Variants in PDCD1LG2 observed in about 807,000 individuals in gnomAD.
PDCD1LG2 encodes the protein B7 dendritic cell molecule.
Under a neutral mutation model 28.2 loss-of-function variants are expected in PDCD1LG2, and 32 were observed. The ratio of observed to expected loss-of-function variants is 1.13; its 90% CI spans 0.86 to 1.52. The LOEUF (loss-of-function observed/expected upper bound fraction) is 1.52. PDCD1LG2 is among the 40% of genes most tolerant of loss of function. PDCD1LG2 has a pLI of 0.00. For missense variants in PDCD1LG2, 385 were observed against 323.8 expected, an observed-to-expected ratio of 1.19 and a Z score of -1.45; for synonymous variants, 116 against 120.2, an observed-to-expected ratio of 0.97 and a Z score of 0.23.
At chr9:5,538,617 G>A (rs1246953113) in intron 3 of PDCD1LG2, among the ~76,000 whole-genome samples, 5 of 152,066 alleles carry the variant, frequency 3.3e-5, no homozygotes, top group Non-Finnish European at 5.9e-5. Context: ...TAAGCCGGGA[G>A]GCGGAGCTTG....
At chr9:5,562,812 G>T (rs1274883345) in intron 5 of PDCD1LG2, among the ~76,000 whole-genome samples, 1 of 152,178 alleles carries the variant, frequency 6.6e-6, no homozygotes, top group Non-Finnish European at 1.5e-5. Flanking sequence ...CCTGGACCAG[G>T]GAAGGCAGGC....
chr9:5,540,094 T>C lies in PDCD1LG2; in HGVS notation c.361+5044T>C, dbSNP rs563406151. ...TGGAAATAAACTCCAAAAGGAACCT[T>C]CAAAACCATGCAATTACATGGAAGT... On this transcript the variant is annotated intron_variant, in intron 3 of 6. Transcript: ENST00000397747. 1.4e-4 allele frequency among the ~76,000 whole-genome samples: 22 copies of C among 152,284 alleles called. No individual in the cohort carries two copies. In the East Asian group the frequency reaches 4.0e-3, roughly 28 times the overall value.
intron 2 of PDCD1LG2, among the ~76,000 whole-genome samples, chr9:5,525,830 C>T (rs1820364942): frequency 6.6e-6 from 1 of 151,940 alleles, no homozygotes; most frequent in Admixed American, 6.6e-5. Flanking sequence ...GGGCAGATCA[C>T]GAGGTCAGGA....
At chr9:5,528,115 C>T (rs1820413364) in intron 2 of PDCD1LG2, among the ~76,000 whole-genome samples, 1 of 151,740 alleles carries the variant, frequency 6.6e-6, no homozygotes, top group Non-Finnish European at 1.5e-5. Context: ...CAGGCATGAG[C>T]CACCACGCCC....
At chr9:5,568,718 G>A (rs1816714262) in intron 6 of PDCD1LG2, among the ~76,000 whole-genome samples, 1 of 152,130 alleles carries the variant, frequency 6.6e-6, no homozygotes, top group Non-Finnish European at 1.5e-5. Flanking sequence ...CTTTCTTCAG[G>A]CAGCACAGTT....
chr9:5,531,463 T>C (rs1192117483), intron 2 of PDCD1LG2, among the ~76,000 whole-genome samples: 1 of 152,238 alleles, frequency 6.6e-6, no homozygotes, highest in African/African-American at 2.4e-5. Flanking sequence ...TCATGTTTGC[T>C]AATTGCTCTT....
In PDCD1LG2 at chr9:5,521,284, A is replaced by C. The variant is rs956783955; in HGVS notation, c.-14-1249A>C. On this transcript the variant is annotated intron_variant, in intron 1 of 6. Transcript: ENST00000397747. ...TTTTCAGGGTAATGAAAATGTTCTA[A>C]AATTGGATAATAGTGTTTGTTGCAC... Among the ~76,000 whole-genome samples, 9 of 152,176 alleles carry C rather than the reference A, an allele frequency of 5.9e-5. No individual in the cohort carries two copies. The East Asian group carries it at 7.7e-4, about 13-fold the overall frequency.
intron 2 of PDCD1LG2, among the ~76,000 whole-genome samples, chr9:5,524,988 T>C (rs1250905364): frequency 6.6e-6 from 1 of 152,186 alleles, no homozygotes; most frequent in Non-Finnish European, 1.5e-5. Flanking sequence ...AGAAGATACC[T>C]GAATTAAATC....
At chr9:5,555,208 A>G (rs1313813876) in intron 4 of PDCD1LG2, among the ~76,000 whole-genome samples, 2 of 152,078 alleles carry the variant, frequency 1.3e-5, no homozygotes, top group African/African-American at 4.8e-5. Flanking sequence ...TGAGGCCAGG[A>G]GTTCAAAAAT....
At position 5,570,181 on chromosome 9, in the gene PDCD1LG2, T is replaced by C; in HGVS notation, c.*222T>C. 1.7e-6 allele frequency: 1 copy of C among 572,130 alleles called. No homozygotes were observed. Among genetic ancestry groups the C allele is most frequent in the East Asian group, 2.7e-5 (1 of 37,366 alleles). The allele number at this position is 572,130 out of a possible 1,614,324, so 35.4% of individuals were successfully genotyped here. A position where few individuals can be genotyped will look rare whatever the true frequency, so the allele number is the denominator to read the frequency against. ...GACTCACCTCTGGAGCCTATGGCTT[T>C]AAGCAAGCACTACTGCACTTTACAG... On this transcript the variant is annotated 3_prime_UTR_variant, in exon 7 of 7. Transcript: ENST00000397747.
At chr9:5,556,655 G>T (rs1368517053) in intron 4 of PDCD1LG2, among the ~76,000 whole-genome samples, 3 of 152,190 alleles carry the variant, frequency 2.0e-5, no homozygotes, top group Admixed American at 6.5e-5. Context: ...GGGCTGGGAA[G>T]TTGGGAGGAC....
intron 6 of PDCD1LG2, among the ~76,000 whole-genome samples, chr9:5,564,713 C>T (rs772239058): frequency 7.2e-5 from 11 of 152,112 alleles, no homozygotes; most frequent in Non-Finnish European, 1.3e-4. Context: ...GACAACTAGC[C>T]ACATTTCACT....
intron 2 of PDCD1LG2, among the ~76,000 whole-genome samples, chr9:5,523,225 CAGTT>C (rs1820310701): frequency 6.6e-6 from 1 of 152,154 alleles, no homozygotes; most frequent in Non-Finnish European, 1.5e-5. Context: ...AGCAGTTTCA[CAGTT>C]GGTTGTTCTC....
rs200938803 is a variant in PDCD1LG2 at position 5,535,014 on chromosome 9, G to A, written c.325G>A (p.Ala109Thr). The A allele has an allele frequency of 1.9e-5, 31 of 1,612,818 alleles. No individual in the cohort carries two copies. The highest frequency in any genetic ancestry group is 1.6e-4 in the African/African-American group (12 of 75,008). ...QYQCIIIYGV[A>T]WDYKYLTLKV... Reference sequence around the variant, plus strand: ...CCAATGCATAATCATCTATGGGGTCGCCTGGGACTACAAGTACCTGACTCT... The same window carrying A: ...CCAATGCATAATCATCTATGGGGTCACCTGGGACTACAAGTACCTGACTCT... Residue 109 changes from alanine to threonine, a missense_variant, in exon 3 of 7, where the codon GCC becomes ACC. Transcript: ENST00000397747.
intron 3 of PDCD1LG2, among the ~76,000 whole-genome samples, chr9:5,535,267 G>C (rs1820558004): frequency 6.6e-6 from 1 of 152,182 alleles, no homozygotes; most frequent in Admixed American, 6.5e-5. Context: ...AGGACCTATA[G>C]GAATAAAATG....
At chr9:5,551,510 G>A (rs1280209316) in intron 4 of PDCD1LG2, among the ~76,000 whole-genome samples, 1 of 152,184 alleles carries the variant, frequency 6.6e-6, no homozygotes, top group African/African-American at 2.4e-5. Context: ...CTCCTAAGAT[G>A]TCTACTCAGA....
In PDCD1LG2 at chr9:5,570,831, T is replaced by C. The variant is rs1433473304; in HGVS notation, c.*872T>C. On this transcript the variant is annotated 3_prime_UTR_variant, in exon 7 of 7. Coordinates refer to ENST00000397747, the MANE Select transcript of PDCD1LG2 (RefSeq NM_025239.4). ...AAGCCTCCTTTTCTGGCCCTCAATATGACTTTAAATTTGACTTTTCAGTGC... is the reference window on the plus strand; with the variant it reads ...AAGCCTCCTTTTCTGGCCCTCAATACGACTTTAAATTTGACTTTTCAGTGC... 2 of 232,718 alleles carry C rather than the reference T, an allele frequency of 8.6e-6. No individual in the cohort carries two copies. Among genetic ancestry groups the C allele is most frequent in the Non-Finnish European group, 1.7e-5 (2 of 117,794 alleles). The allele number at this position is 232,718 out of a possible 1,614,324, so 14.4% of individuals were successfully genotyped here. A position where few individuals can be genotyped will look rare whatever the true frequency, so the allele number is the denominator to read the frequency against.
intron 1 of PDCD1LG2, among the ~76,000 whole-genome samples, chr9:5,518,786 CT>C (rs1820217686): frequency 6.6e-6 from 1 of 152,194 alleles, no homozygotes; most frequent in African/African-American, 2.4e-5. Flanking sequence ...TACCCATTCT[CT>C]TTTGAACCTA....
intron 3 of PDCD1LG2, among the ~76,000 whole-genome samples, chr9:5,543,366 C>G (rs548742066): frequency 6.6e-6 from 1 of 151,952 alleles, no homozygotes; most frequent in African/African-American, 2.4e-5. Flanking sequence ...GGTGAAACCC[C>G]GTCTCTACTA....
Sources: gnomAD v4.1 joint callset for allele counts (sites outside exome capture counted in the v4.1 genomes callset) on GRCh38, gnomAD v4.1.1 for gene constraint, MANE v1.5 for transcripts, NCBI Gene and HGNC (gene_info 2026-07-23, HGNC 2026-07-21) for gene names.